Variants in SLCO3A1 observed in about 807,000 individuals in gnomAD.
SLCO3A1 encodes PGE1 transporter.
A neutral mutation model predicts 63.1 loss-of-function variants in SLCO3A1; 27 were observed. The observed-to-expected ratio is 0.43, with a 90% CI of 0.32 to 0.59. The LOEUF (loss-of-function observed/expected upper bound fraction) is 0.59. Among genes scored for constraint, SLCO3A1 ranks in the 20% least tolerant of loss-of-function variants. The probability of loss-of-function intolerance (pLI) is 0.09; values close to 1 mark genes in which losing one functional copy is unlikely to be tolerated. For synonymous variants in SLCO3A1, 473 were observed against 409.9 expected, an observed-to-expected ratio of 1.15 and a Z score of -1.86; for missense variants, 773 against 945.8, an observed-to-expected ratio of 0.82 and a Z score of 2.40.
chr15:92,038,343 A>G (rs77800196), intron 2 of SLCO3A1, among the ~76,000 whole-genome samples: 3,931 of 152,288 alleles, frequency 0.026, 78 homozygotes, highest in Admixed American at 0.05. Context: ...AGTGATTTTC[A>G]AAAAGGGAAA....
intron 5 of SLCO3A1, among the ~76,000 whole-genome samples, chr15:92,125,783 T>A (rs936535052): frequency 1.3e-5 from 2 of 151,756 alleles, no homozygotes; most frequent in African/African-American, 4.8e-5. Context: ...CTCTTCAGCT[T>A]GCGTTTCTCC....
At chr15:91,932,660 C>G (rs945977995) in intron 2 of SLCO3A1, among the ~76,000 whole-genome samples, 1 of 152,202 alleles carries the variant, frequency 6.6e-6, no homozygotes, top group African/African-American at 2.4e-5. Context: ...CCAGGCTGGT[C>G]TCAAACTCCT....
intron 2 of SLCO3A1, among the ~76,000 whole-genome samples, chr15:91,964,219 A>C (rs1900570531): frequency 6.6e-6 from 1 of 152,208 alleles, no homozygotes; most frequent in South Asian, 2.1e-4. Context: ...TGGAACCTGG[A>C]ATGTTCCATT....
chr15:92,033,337 G>A lies in SLCO3A1; in HGVS notation c.647-61544G>A, dbSNP rs1274905040. ...ATTTCTGCCCTTTGGAGAGACTTCTGCAACCCTCCTCTCCTCCAAGAGCAG... is the reference window on the plus strand; with the variant it reads ...ATTTCTGCCCTTTGGAGAGACTTCTACAACCCTCCTCTCCTCCAAGAGCAG... On this transcript the variant is annotated intron_variant, in intron 2 of 9. Coordinates refer to ENST00000318445, the MANE Select transcript of SLCO3A1 (RefSeq NM_013272.4). The surrounding 1 kb of genome is among the most constrained non-coding windows in gnomAD (Gnocchi z 4.5). 1.3e-5 allele frequency among the ~76,000 whole-genome samples: 2 copies of A among 152,172 alleles called. No individual in the cohort carries two copies. Among genetic ancestry groups the A allele is most frequent in the Non-Finnish European group, 2.9e-5 (2 of 68,034 alleles).
chr15:92,141,521 G>A (rs776684006), intron 7 of SLCO3A1, among the ~76,000 whole-genome samples: 1 of 152,162 alleles, frequency 6.6e-6, no homozygotes, highest in African/African-American at 2.4e-5. Flanking sequence ...TTAGACTGCT[G>A]TCTCACATCC....
intron 2 of SLCO3A1, among the ~76,000 whole-genome samples, chr15:92,061,817 G>GT (rs35007184): frequency 0.47 from 72,194 of 152,120 alleles, 18,702 homozygotes; most frequent in Admixed American, 0.67. Context: ...CTATGGGTTT[G>GT]TTTGTGGATG....
intron 1 of SLCO3A1, among the ~76,000 whole-genome samples, chr15:91,898,881 G>A (rs1212675298): frequency 2.0e-5 from 3 of 152,288 alleles, no homozygotes; most frequent in East Asian, 1.9e-4. Context: ...AATGAAGAGA[G>A]GTTAAAAAAC....
chr15:91,945,894 A>G (rs1162172559), intron 2 of SLCO3A1, among the ~76,000 whole-genome samples: 3 of 152,192 alleles, frequency 2.0e-5, no homozygotes, highest in African/African-American at 7.2e-5. Context: ...ATGGATTGTG[A>G]TGGAGAGGGA....
At chr15:92,047,508 TATATAAATAC>T (rs1387197875) in intron 2 of SLCO3A1, among the ~76,000 whole-genome samples, 4 of 37,038 alleles carry the variant, frequency 1.1e-4, no homozygotes, top group East Asian at 6.2e-4. Context: ...TATATAAATA[TATATAAATAC>T]ATAAATAAAT....
In SLCO3A1 at chr15:91,856,955, T is replaced by C. The variant is rs1024075530; in HGVS notation, c.180+2867T>C. 1.3e-5 allele frequency among the ~76,000 whole-genome samples: 2 copies of C among 152,054 alleles called. No homozygotes were observed. The highest frequency in any genetic ancestry group is 4.8e-5 in the African/African-American group (2 of 41,394). On this transcript the variant is annotated intron_variant, in intron 1 of 9. Transcript: ENST00000318445. This position sits in a 1 kb window ranked among gnomAD's most constrained non-coding sequence, Gnocchi z 4.9. ...TTCTCAGTGTCCTGAATGACACTAG[T>C]GTAGGCTTCCCAACTGCAGAACTGA...
At chr15:92,014,742 C>T (rs1313817297) in intron 2 of SLCO3A1, among the ~76,000 whole-genome samples, 1 of 152,058 alleles carries the variant, frequency 6.6e-6, no homozygotes, top group Non-Finnish European at 1.5e-5. Flanking sequence ...GAAAATGGGG[C>T]ACTTTGAGGA....
At chr15:91,917,115 G>T (rs948396525) in intron 2 of SLCO3A1, among the ~76,000 whole-genome samples, 2 of 152,188 alleles carry the variant, frequency 1.3e-5, no homozygotes, top group Non-Finnish European at 2.9e-5. Flanking sequence ...TTATTACGTG[G>T]CGGGCAGTGT....
Position 91,885,731 on chromosome 15 carries a change from A to T in SLCO3A1, c.181-30262A>T, listed in dbSNP as rs1413447463. 1.3e-5 allele frequency among the ~76,000 whole-genome samples: 2 copies of T among 152,264 alleles called. No homozygotes were observed. The highest frequency in any genetic ancestry group is 2.9e-5 in the Non-Finnish European group (2 of 68,056). ...ACACATACATGCGGTCTGACAATTC[A>T]GATCCCTTCGCCTTCCCCTCCCCTA... On this transcript the variant is annotated intron_variant, in intron 1 of 9. Coordinates refer to ENST00000318445, the MANE Select transcript of SLCO3A1 (RefSeq NM_013272.4). This position sits in a 1 kb window ranked among gnomAD's most constrained non-coding sequence, Gnocchi z 4.7.
intron 1 of SLCO3A1, among the ~76,000 whole-genome samples, chr15:91,871,747 T>C (rs1897282605): frequency 7.0e-6 from 1 of 142,784 alleles, no homozygotes; most frequent in South Asian, 2.3e-4. Flanking sequence ...TGGGGTGTGC[T>C]CATTTTGTTT....
At chr15:92,143,049 G>T (rs553395079) in intron 7 of SLCO3A1, among the ~76,000 whole-genome samples, 1 of 151,684 alleles carries the variant, frequency 6.6e-6, no homozygotes, top group African/African-American at 2.4e-5. Context: ...GAGAGACTGC[G>T]TGCTACAAGT....
intron 2 of SLCO3A1, among the ~76,000 whole-genome samples, chr15:92,073,314 C>T (rs1194828316): frequency 1.3e-5 from 2 of 152,208 alleles, no homozygotes; most frequent in Admixed American, 1.3e-4. Flanking sequence ...TTTACTCTAT[C>T]CTCATCCCAC....
chr15:91,978,562 C>G (rs1312846272), intron 2 of SLCO3A1, among the ~76,000 whole-genome samples: 1 of 152,136 alleles, frequency 6.6e-6, no homozygotes, highest in Non-Finnish European at 1.5e-5. Context: ...GCTCATAGTA[C>G]AAATGTGTTA....
Position 91,894,055 on chromosome 15 carries a change from G to A in SLCO3A1, c.181-21938G>A, listed in dbSNP as rs1053799295. Among the ~76,000 whole-genome samples the A allele has an allele frequency of 1.3e-5, 2 of 152,170 alleles. No homozygotes were observed. The highest frequency in any genetic ancestry group is 2.9e-5 in the Non-Finnish European group (2 of 68,030). ...TCTCAGGAGGGGACGTTTGAGCTAA[G>A]ACCTGCCTGGGGAGAAATCAGCCTT... On this transcript the variant is annotated intron_variant, in intron 1 of 9. Transcript: ENST00000318445. This position sits in a 1 kb window ranked among gnomAD's most constrained non-coding sequence, Gnocchi z 4.8.
At chr15:92,128,195 G>A (rs2190749) in intron 6 of SLCO3A1, among the ~76,000 whole-genome samples, 156 bp from the exon 7 acceptor site, 1 of 152,168 alleles carries the variant, frequency 6.6e-6, no homozygotes, top group Admixed American at 6.5e-5. Flanking sequence ...GATAGGCTAA[G>A]GTTGGTAAAG....
Sources: gnomAD v4.1 joint callset for allele counts (sites outside exome capture counted in the v4.1 genomes callset) on GRCh38, gnomAD v4.1.1 for gene constraint, Gnocchi (gnomAD v3.1) non-coding constraint, MANE v1.5 for transcripts, NCBI Gene and HGNC (gene_info 2026-07-23, HGNC 2026-07-21) for gene names.